The following LRP5 variants were observed in gnomAD, a reference collection of about 807,000 sequenced individuals.
LRP5 encodes the protein LDL receptor related protein 5.
LRP5 carries 62 observed loss-of-function variants against 154.1 expected under a neutral mutation model. The observed-to-expected ratio is 0.40, with a 90% CI of 0.33 to 0.50. The LOEUF is 0.50. LRP5 is among the 20% of genes least tolerant of loss of function. The pLI is 0.55. For missense variants in LRP5, 1,915 were observed against 2,336.7 expected, an observed-to-expected ratio of 0.82 and a Z score of 3.72; for synonymous variants, 966 against 1,011.5, an observed-to-expected ratio of 0.96 and a Z score of 0.85.
intron 16 of LRP5, among the ~76,000 whole-genome samples, chr11:68,427,769 CTG>C (rs755736830): frequency 1.3e-5 from 2 of 151,934 alleles, no homozygotes; most frequent in Non-Finnish European, 2.9e-5. Flanking sequence ...AGTAAGGACA[CTG>C]TGAAATTTTT....
chr11:68,401,241 C>T (rs141272652), intron 7 of LRP5, among the ~76,000 whole-genome samples: 2 of 152,110 alleles, frequency 1.3e-5, no homozygotes, highest in Non-Finnish European at 2.9e-5. Context: ...GCGTGTCTTC[C>T]TGTTGTGGAG....
intron 21 of LRP5, chr11:68,445,527 G>A: frequency 8.9e-7 from 1 of 1,127,858 alleles, no homozygotes; most frequent in Non-Finnish European, 1.2e-6. Context: ...TGAGAGAACT[G>A]AGTCCCTCGG....
Position 68,433,771 on chromosome 11 carries a change from G to A in LRP5, c.3933G>A (p.Val1311=). ...TCCCCTGCGCGCGGGGTCAGTGTGT[G>A]GACCTGCGCCTGCGCTGCGACGGCG... The part of the protein sequence containing the change: ...AQFPCARGQC[V]DLRLRCDGEA... Residue 1311 remains valine (V), a synonymous_variant, in exon 18 of 23, where the codon GTG becomes GTA. Transcript: ENST00000294304. 1.1e-5 allele frequency: 18 copies of A among 1,612,612 alleles called. No individual in the cohort carries two copies. The highest frequency in any genetic ancestry group is 2.2e-5 in the East Asian group (1 of 44,872).
chr11:68,372,502 C>CCGTGGCGGCGAGGAGGGGCAGTG (rs1565353676), intron 5 of LRP5, among the ~76,000 whole-genome samples: 4 of 151,896 alleles, frequency 2.6e-5, no homozygotes, highest in Non-Finnish European at 4.4e-5. Flanking sequence ...AGACCGGGGA[C>CCGTGGCGGCGAGGAGGGGCAGTG]TTGGAGCACC....
At chr11:68,406,896 T>C in intron 9 of LRP5, 83 bp downstream of exon 9, 1 of 1,378,848 alleles carries the variant, frequency 7.3e-7, no homozygotes, top group Admixed American at 1.9e-5. Flanking sequence ...TTCAGACACT[T>C]TTCTTAAAGC....
chr11:68,298,497 G>A, the LRP5 span, among the ~76,000 whole-genome samples: 2 of 152,128 alleles, frequency 1.3e-5, no homozygotes, highest in African/African-American at 4.8e-5. Context: ...CTTTTGCCAG[G>A]CTCCCCCAAA....
At chr11:68,305,533 C>A in the LRP5 span, among the ~76,000 whole-genome samples, 7 of 152,192 alleles carry the variant, frequency 4.6e-5, no homozygotes, top group Non-Finnish European at 8.8e-5. Flanking sequence ...ACCTCCTCCT[C>A]CCGGGCGCAA....
At position 68,312,684 on chromosome 11, in the gene LRP5, G is replaced by A. The variant is rs1251713869; in HGVS notation, c.-31G>A. 1.2e-5 allele frequency: 12 copies of A among 966,862 alleles called. No individual in the cohort carries two copies. The highest frequency in any genetic ancestry group is 1.5e-5 in the Non-Finnish European group (12 of 811,276). 59.9% of individuals were successfully genotyped at this position (966,862 alleles called of 1,614,324 possible). On this transcript the variant is annotated 5_prime_UTR_variant, in exon 1 of 23. Transcript: ENST00000294304. ...GCCGCGCCATGGAGCCCGAGTGAGC[G>A]CGGCGCGGGCCCGTCCGGCCGCCGG...
In LRP5 at chr11:68,386,169, G is replaced by C; in HGVS notation, c.1016-147G>C. The C allele has an allele frequency of 1.1e-6, 1 of 876,910 alleles. No homozygotes were observed. The highest frequency in any genetic ancestry group is 3.3e-4 in the Middle Eastern group (1 of 3,072). 54.3% of individuals were successfully genotyped at this position (876,910 alleles called of 1,614,324 possible). A position where few individuals can be genotyped will look rare whatever the true frequency, so the allele number is the denominator to read the frequency against. ...AACGAGTGACCATGTAGCATGGGCT[G>C]GGTGCGTGTCACCTAACATCACCAG... is the stretch of plus-strand genomic sequence containing the variant. On this transcript the variant is annotated intron_variant, in intron 5 of 22. Coordinates refer to ENST00000294304, the MANE Select transcript of LRP5 (RefSeq NM_002335.4). The surrounding 1 kb of genome is among the most constrained non-coding windows in gnomAD (Gnocchi z 7.9).
Position 68,315,473 on chromosome 11 carries a change from C to T in LRP5, c.91+2668C>T, listed in dbSNP as rs796576492. 6.6e-5 allele frequency among the ~76,000 whole-genome samples: 10 copies of T among 152,298 alleles called. 1 individual carries two copies. The highest frequency in any genetic ancestry group is 2.2e-4 in the African/African-American group (9 of 41,560). On this transcript the variant is annotated intron_variant, in intron 1 of 22. Coordinates refer to ENST00000294304, the MANE Select transcript of LRP5 (RefSeq NM_002335.4). ...GCCCAGGGTCTGATTCCAGCCTGGCCGCTTCCTGTGCTGGGAGGCTTAGGA... is the reference window on the plus strand; with the variant it reads ...GCCCAGGGTCTGATTCCAGCCTGGCTGCTTCCTGTGCTGGGAGGCTTAGGA...
chr11:68,425,169 G>A lies in LRP5; in HGVS notation c.3304G>A (p.Glu1102Lys), dbSNP rs970458513. ...CGAACGCGCAGCCCTGGACGGCACC[G>A]AGCGCGAGGTCCTCTTCACCACCGG... ...KIERAALDGT[E>K]REVLFTTGLI... The change falls in exon 15 of 23, where the codon GAG (glutamate) becomes AAG (lysine). Residue 1102 changes from glutamate (E) to lysine (K), a missense_variant. This residue lies in a region of LRP5 where 1,094 missense variants were observed against 1,210.1 expected (regional missense o/e 0.90). Transcript: ENST00000294304. The A allele has an allele frequency of 7.4e-6, 12 of 1,613,598 alleles. No individual in the cohort carries two copies. Among genetic ancestry groups the A allele is most frequent in the Admixed American group, 6.7e-5 (4 of 60,010 alleles).
chr11:68,390,948 TTTG>T (rs925316585), intron 7 of LRP5, among the ~76,000 whole-genome samples: 1 of 152,154 alleles, frequency 6.6e-6, no homozygotes, highest in Non-Finnish European at 1.5e-5. Flanking sequence ...AGCTTTTTTG[TTTG>T]TTGTTTGTTT....
rs1446304336 is a variant in LRP5 at position 68,386,241 on chromosome 11, C to G, written c.1016-75C>G. On this transcript the variant is annotated intron_variant, in intron 5 of 22. Coordinates refer to ENST00000294304, the MANE Select transcript of LRP5 (RefSeq NM_002335.4). The surrounding 1 kb of genome is among the most constrained non-coding windows in gnomAD (Gnocchi z 7.9). Reference sequence around the variant, plus strand: ...GGGCCTGGCTGAGTATTTCCCTTGCCCGGCCCACCCCAGGCCTAGACTTGT... The same window carrying G: ...GGGCCTGGCTGAGTATTTCCCTTGCGCGGCCCACCCCAGGCCTAGACTTGT... 1 of 1,582,326 alleles carries G rather than the reference C, an allele frequency of 6.3e-7. No individual in the cohort carries two copies. Among genetic ancestry groups the G allele is most frequent in the African/African-American group, 1.3e-5 (1 of 74,640 alleles).
Position 68,389,880 on chromosome 11 carries a change from G to T in LRP5, c.1413-1G>T. On this transcript the variant is annotated splice_acceptor_variant, in intron 6 of 22. Transcript: ENST00000294304. LOFTEE classifies it high-confidence loss of function. ...GTCATGGACTTCTGCTTCTTCTCCA[G>T]CCTCATGTACTGGACAGACTGGGGA... 6.2e-7 allele frequency: 1 copy of T among 1,614,252 alleles called. No individual in the cohort carries two copies. Among genetic ancestry groups the T allele is most frequent in the South Asian group, 1.1e-5 (1 of 91,086 alleles).
At chr11:68,341,981 G>GT (rs2098609417) in intron 1 of LRP5, among the ~76,000 whole-genome samples, 1 of 152,058 alleles carries the variant, frequency 6.6e-6, no homozygotes, top group African/African-American at 2.4e-5. Flanking sequence ...AGGAGTGAGT[G>GT]CCCATGGCCA....
intron 21 of LRP5, among the ~76,000 whole-genome samples, 199 bp from the exon 22 acceptor site, chr11:68,446,237 T>C (rs532694717): frequency 6.6e-6 from 1 of 152,338 alleles, no homozygotes; most frequent in Admixed American, 6.5e-5. Flanking sequence ...CCTTTGCCTT[T>C]CACTGAGATG....
intron 1 of LRP5, 57 bp downstream of exon 1, chr11:68,312,862 G>A: frequency 1.1e-6 from 1 of 937,668 alleles, no homozygotes; most frequent in Non-Finnish European, 1.3e-6. Context: ...GGCCCGGGCG[G>A]CCCCGCGGCC....
intron 16 of LRP5, among the ~76,000 whole-genome samples, chr11:68,429,209 C>T (rs1394833363): frequency 6.7e-6 from 1 of 148,322 alleles, no homozygotes; most frequent in Non-Finnish European, 1.5e-5. Context: ...GCCATGATCG[C>T]ACCACTGCCC....
At chr11:68,442,334 G>C (rs1431024148) in intron 21 of LRP5, among the ~76,000 whole-genome samples, 5 of 152,210 alleles carry the variant, frequency 3.3e-5, no homozygotes. Context: ...GAGTGCAGTG[G>C]CACAATCACA....
Sources: gnomAD v4.1 joint callset for allele counts (sites outside exome capture counted in the v4.1 genomes callset) on GRCh38, gnomAD v4.1.1 for gene constraint, gnomAD v4.1.1 regional missense constraint, Gnocchi (gnomAD v3.1) non-coding constraint, MANE v1.5 for transcripts, NCBI Gene and HGNC (gene_info 2026-07-23, HGNC 2026-07-21) for gene names.